Variants in C8orf34 observed in about 807,000 individuals in gnomAD.
C8orf34 encodes the protein chromosome 8 open reading frame 34.
C8orf34 carries 65 observed loss-of-function variants against 68.3 expected under a neutral mutation model. That is an observed-to-expected ratio of 0.95 (90% CI 0.78 to 1.17). The LOEUF (loss-of-function observed/expected upper bound fraction) is 1.17. C8orf34 is among the 50% of genes most tolerant of loss of function. C8orf34 has a pLI of 0.00. For synonymous variants in C8orf34, 244 were observed against 241.2 expected (o/e 1.01, Z -0.11); for missense variants, 664 against 655.4 (o/e 1.01, Z -0.14).
intron 7 of C8orf34, among the ~76,000 whole-genome samples, chr8:68,621,987 A>G (rs908890665): frequency 4.6e-5 from 7 of 152,220 alleles, no homozygotes; most frequent in African/African-American, 1.4e-4. Context: ...GGTTGTGATC[A>G]AGATTCCAGC....
At chr8:68,705,321 C>T (rs1321706413) in intron 8 of C8orf34, among the ~76,000 whole-genome samples, 1 of 151,874 alleles carries the variant, frequency 6.6e-6, no homozygotes, top group East Asian at 1.9e-4. Flanking sequence ...AAAAGGAGGG[C>T]CTTGGATAGA....
chr8:68,518,933 C>T (rs1057378801), intron 5 of C8orf34, among the ~76,000 whole-genome samples: 4 of 139,278 alleles, frequency 2.9e-5, no homozygotes, highest in African/African-American at 1.1e-4. Context: ...GTGGTAGATA[C>T]AGGGGAATAT....
At chr8:68,695,969 A>G (rs1010518026) in intron 8 of C8orf34, among the ~76,000 whole-genome samples, 2 of 152,068 alleles carry the variant, frequency 1.3e-5, no homozygotes, top group Admixed American at 6.6e-5. Context: ...CTGGCACATC[A>G]ATAGATATTT....
chr8:68,562,618 A>G (rs1223249286), intron 7 of C8orf34, among the ~76,000 whole-genome samples: 4 of 152,228 alleles, frequency 2.6e-5, no homozygotes, highest in African/African-American at 9.6e-5. Flanking sequence ...TCATAGAGAT[A>G]CATTGTAAGC....
intron 10 of C8orf34, among the ~76,000 whole-genome samples, chr8:68,769,459 TACTC>T (rs1057013027): frequency 6.6e-6 from 1 of 152,060 alleles, no homozygotes; most frequent in Non-Finnish European, 1.5e-5. Flanking sequence ...ACAAAGGTAA[TACTC>T]ATTCATAGCA....
intron 10 of C8orf34, among the ~76,000 whole-genome samples, chr8:68,745,748 A>G (rs1272952055): frequency 4.6e-5 from 7 of 152,160 alleles, no homozygotes; most frequent in Non-Finnish European, 8.8e-5. Flanking sequence ...GTTCTGAGTG[A>G]CCTACAAAGA....
At chr8:68,794,490 TATATATATATATATA>T (rs1462894956) in intron 12 of C8orf34, among the ~76,000 whole-genome samples, 1 of 94,936 alleles carries the variant, frequency 1.1e-5, no homozygotes, top group African/African-American at 7.2e-5. Context: ...TAAATATATA[TATATATATATATATA>T]TTTTTTTTTT....
intron 10 of C8orf34, among the ~76,000 whole-genome samples, chr8:68,769,330 A>G (rs1009111988): frequency 6.7e-6 from 1 of 149,242 alleles, no homozygotes; most frequent in African/African-American, 2.5e-5. Flanking sequence ...CCTCTTTTTC[A>G]CTTTCTAGTG....
intron 7 of C8orf34, among the ~76,000 whole-genome samples, chr8:68,569,482 A>C (rs1342958230): frequency 6.6e-6 from 1 of 150,542 alleles, no homozygotes; most frequent in Non-Finnish European, 1.5e-5. Context: ...GATGCCCGGG[A>C]CTCCCAGTAG....
At chr8:68,401,809 T>TGAG (rs1808968080) in intron 1 of C8orf34, among the ~76,000 whole-genome samples, 1 of 151,978 alleles carries the variant, frequency 6.6e-6, no homozygotes. Flanking sequence ...AATGTTTTAT[T>TGAG]GAGGACTTTT....
At chr8:68,744,672 G>C (rs1182367880) in intron 10 of C8orf34, among the ~76,000 whole-genome samples, 6 of 152,056 alleles carry the variant, frequency 3.9e-5, no homozygotes, top group Non-Finnish European at 7.4e-5. Context: ...AGTGAGAAGG[G>C]AAGTTTAGAG....
intron 1 of C8orf34, among the ~76,000 whole-genome samples, chr8:68,428,417 C>T (rs917492392): frequency 3.9e-5 from 6 of 152,022 alleles, no homozygotes; most frequent in Non-Finnish European, 7.4e-5. Flanking sequence ...ACAAGCCATG[C>T]GTGATAACTG....
chr8:68,535,802 T>C lies in C8orf34; in HGVS notation c.1105+2653T>C, dbSNP rs552381945. ...TAACTTAATATGGAATTAACACTTGTCAGATAATAAAACAGCCAAACTTGT... is the reference window on the plus strand; with the variant it reads ...TAACTTAATATGGAATTAACACTTGCCAGATAATAAAACAGCCAAACTTGT... On this transcript the variant is annotated intron_variant, in intron 7 of 13. Coordinates refer to ENST00000518698, the MANE Select transcript of C8orf34 (RefSeq NM_052958.4). 6.2e-6 allele frequency: 6 copies of C among 965,074 alleles called. No individual in the cohort carries two copies. In the African/African-American group the frequency reaches 1.1e-4, roughly 17 times the overall value. The allele number at this position is 965,074 out of a possible 1,614,324, so 59.8% of individuals were successfully genotyped here.
chr8:68,496,382 G>A (rs1049771430), intron 5 of C8orf34, among the ~76,000 whole-genome samples: 1 of 152,176 alleles, frequency 6.6e-6, no homozygotes, highest in Non-Finnish European at 1.5e-5. Flanking sequence ...AGATTTTGCT[G>A]AGTTGAGCAA....
chr8:68,660,578 C>A (rs1865441), intron 8 of C8orf34, among the ~76,000 whole-genome samples: 42,535 of 152,032 alleles, frequency 0.28, 6,491 homozygotes, highest in East Asian at 0.56. Context: ...GGCTAATTGG[C>A]AGAAATTAGT....
chr8:68,745,916 G>A (rs988347681), intron 10 of C8orf34, among the ~76,000 whole-genome samples: 3 of 152,020 alleles, frequency 2.0e-5, no homozygotes, highest in African/African-American at 4.8e-5. Flanking sequence ...CTCCACCCCA[G>A]ATCAACAGAA....
intron 7 of C8orf34, chr8:68,534,882 C>A (rs957159697): frequency 1.0e-6 from 1 of 985,222 alleles, no homozygotes; most frequent in Admixed American, 6.2e-5. Flanking sequence ...TGGAGACTAT[C>A]TAATGATGAG....
At chr8:68,798,220 G>A (rs1330732737) in intron 12 of C8orf34, among the ~76,000 whole-genome samples, 2 of 151,042 alleles carry the variant, frequency 1.3e-5, no homozygotes, top group African/African-American at 4.9e-5. Context: ...AACTCCTTGA[G>A]CTCAAGTGCT....
chr8:68,810,599 G>A (rs745471524), intron 12 of C8orf34, among the ~76,000 whole-genome samples: 1 of 152,146 alleles, frequency 6.6e-6, no homozygotes, highest in Non-Finnish European at 1.5e-5. Context: ...CTGTTTGGGG[G>A]GTTGCAAGTT....
Sources: allele counts gnomAD v4.1 joint callset (sites outside exome capture counted in the v4.1 genomes callset), GRCh38; gene constraint gnomAD v4.1.1; transcripts MANE v1.5; gene names NCBI Gene and HGNC (gene_info 2026-07-23, HGNC 2026-07-21).